The following PDE10A variants were observed in gnomAD, a reference collection of about 807,000 sequenced individuals.
The protein encoded by PDE10A is phosphodiesterase 10A.
A neutral mutation model predicts 97.7 loss-of-function variants in PDE10A; 39 were observed. That is an observed-to-expected ratio of 0.40 (90% CI 0.31 to 0.52). The LOEUF is 0.52. Ranked by LOEUF, PDE10A falls within the 20% of genes least tolerant of loss-of-function variation. PDE10A has a pLI of 0.56. For missense variants in PDE10A, 731 were observed against 1,047.8 expected, an observed-to-expected ratio of 0.70 and a Z score of 4.17; for synonymous variants, 371 against 376.8, an observed-to-expected ratio of 0.98 and a Z score of 0.18.
intron 1 of PDE10A, among the ~76,000 whole-genome samples, chr6:165,771,654 T>TAAAAAA (rs35902541): frequency 8.5e-5 from 9 of 106,312 alleles, no homozygotes; most frequent in Non-Finnish European, 1.4e-4. Flanking sequence ...TTTAACAAGA[T>TAAAAAA]AAAAAAAAAA....
At chr6:165,985,964 G>A (rs1204511860) in intron 1 of PDE10A, 1 of 152,576 alleles carries the variant, frequency 6.6e-6, no homozygotes, top group Non-Finnish European at 1.5e-5. Context: ...CCCATCTGTG[G>A]GGGAAAAGTC....
At chr6:165,895,660 A>C (rs1032432303) in intron 1 of PDE10A, among the ~76,000 whole-genome samples, 7 of 152,164 alleles carry the variant, frequency 4.6e-5, no homozygotes, top group Non-Finnish European at 1.0e-4. Context: ...CAGTCCTCTC[A>C]GACTTGCCAA....
rs57175607 is a variant in PDE10A at position 165,384,631 on chromosome 6, AGTGTGT to A, written c.2610+3661_2610+3666del. ...TAACGTGTGTGTGTATGTGTGAGTG[AGTGTGT>A]GTGTGTGTGTGTGTGTGTGTGTGTG... On this transcript the variant is annotated intron_variant, in intron 17 of 21. Transcript: ENST00000539869. Among the ~76,000 whole-genome samples the A allele has an allele frequency of 4.2e-3, 282 of 67,022 alleles. 4 individuals carry two copies. Among genetic ancestry groups the A allele is most frequent in the South Asian group, 0.028 (59 of 2,106 alleles). 44.0% of individuals were successfully genotyped at this position (67,022 alleles called of 152,430 possible). A position where few individuals can be genotyped will look rare whatever the true frequency, so the allele number is the denominator to read the frequency against.
rs115455899 is a variant in PDE10A at position 165,582,483 on chromosome 6, A to G, written c.866-38915T>C. ...TACAGTTGTTCACATCAAATGATCT[A>G]ATTGTCAAGTCTAAATAAAATAAAT... On this transcript the variant is annotated intron_variant, in intron 1 of 21. Transcript: ENST00000539869. Among the ~76,000 whole-genome samples, 1,456 of 152,284 alleles carry G rather than the reference A, an allele frequency of 9.6e-3. 26 individuals carry two copies. The highest frequency in any genetic ancestry group is 0.033 in the African/African-American group (1,389 of 41,554).
chr6:165,842,768 TG>T (rs938259882), intron 1 of PDE10A, among the ~76,000 whole-genome samples: 2 of 152,170 alleles, frequency 1.3e-5, no homozygotes, highest in African/African-American at 4.8e-5. Flanking sequence ...AGCAAGTTAG[TG>T]GTGGAAGAGG....
At chr6:165,537,771 C>T (rs1264745905) in intron 2 of PDE10A, among the ~76,000 whole-genome samples, 1 of 150,670 alleles carries the variant, frequency 6.6e-6, no homozygotes, top group Non-Finnish European at 1.5e-5. Flanking sequence ...GTTTCCATTA[C>T]CAAAAAATAT....
intron 1 of PDE10A, among the ~76,000 whole-genome samples, chr6:165,773,928 T>C (rs778581380): frequency 1.3e-4 from 20 of 152,028 alleles, no homozygotes; most frequent in Middle Eastern, 3.4e-3. Context: ...TTCAAACAAG[T>C]ATTTCAACTT....
chr6:165,561,449 G>T (rs1784519115), intron 1 of PDE10A, among the ~76,000 whole-genome samples: 1 of 152,084 alleles, frequency 6.6e-6, no homozygotes. Flanking sequence ...AACACAATAA[G>T]CCTACAGTTC....
rs1160671045 is a variant in PDE10A at position 165,923,245 on chromosome 6, A to G, written c.-615+64284T>C. ...AAGCAAAGGGCTTGCTTTTATCAAT[A>G]TAGTTACTGACCAATGTTAAGCATA... On this transcript the variant is annotated intron_variant, in intron 1 of 19. Transcript: ENST00000366882. Among the ~76,000 whole-genome samples, 3 of 152,364 alleles carry G rather than the reference A, an allele frequency of 2.0e-5. No homozygotes were observed. The East Asian group carries it at 5.8e-4, about 29-fold the overall frequency.
At chr6:165,592,501 G>A (rs960498915) in intron 1 of PDE10A, among the ~76,000 whole-genome samples, 26 of 152,012 alleles carry the variant, frequency 1.7e-4, no homozygotes, top group African/African-American at 9.7e-5. Flanking sequence ...AACTATCATC[G>A]GAGTTAAGAG....
intron 1 of PDE10A, among the ~76,000 whole-genome samples, chr6:165,882,201 G>T (rs1781500255): frequency 6.6e-6 from 1 of 152,178 alleles, no homozygotes; most frequent in Admixed American, 6.5e-5. Flanking sequence ...TGATTCTCAT[G>T]GTCGCATGAC....
chr6:165,554,443 C>A (rs2128332268), intron 1 of PDE10A, among the ~76,000 whole-genome samples: 1 of 152,152 alleles, frequency 6.6e-6, no homozygotes, highest in East Asian at 1.9e-4. Flanking sequence ...CAGAGAAATG[C>A]AAATCAAAGC....
chr6:165,389,371 G>T (rs1174539554), intron 16 of PDE10A, among the ~76,000 whole-genome samples: 1 of 152,186 alleles, frequency 6.6e-6, no homozygotes, highest in South Asian at 2.1e-4. Context: ...TTTAGACCAG[G>T]ATAATAACAG....
intron 1 of PDE10A, among the ~76,000 whole-genome samples, chr6:165,625,697 G>A (rs1436520586): frequency 6.6e-6 from 1 of 152,082 alleles, no homozygotes; most frequent in Admixed American, 6.5e-5. Context: ...ATAAGGGGAA[G>A]TTTCCCTGCA....
At chr6:165,693,113 A>G (rs1440204910) in intron 1 of PDE10A, among the ~76,000 whole-genome samples, 1 of 152,202 alleles carries the variant, frequency 6.6e-6, no homozygotes, top group Non-Finnish European at 1.5e-5. Context: ...GAATCTATGA[A>G]TCCATTTCCT....
chr6:165,552,464 T>A (rs914415248), intron 1 of PDE10A, among the ~76,000 whole-genome samples: 6 of 152,204 alleles, frequency 3.9e-5, no homozygotes, highest in Non-Finnish European at 8.8e-5. Context: ...GGGTTCATGC[T>A]GAACACCTGC....
chr6:165,678,693 C>T (rs2128438887), intron 1 of PDE10A, among the ~76,000 whole-genome samples: 1 of 152,326 alleles, frequency 6.6e-6, no homozygotes, highest in South Asian at 2.1e-4. Context: ...CAACCCGCTT[C>T]CGCCCACACT....
chr6:165,445,835 C>CT (rs1378397423), intron 5 of PDE10A, among the ~76,000 whole-genome samples: 1 of 151,570 alleles, frequency 6.6e-6, no homozygotes, highest in Non-Finnish European at 1.5e-5. Context: ...AAAGGCACTT[C>CT]TAACAAGCCT....
chr6:165,931,061 C>T (rs1177350307), intron 1 of PDE10A, among the ~76,000 whole-genome samples: 1 of 152,170 alleles, frequency 6.6e-6, no homozygotes, highest in Non-Finnish European at 1.5e-5. Context: ...GGGGACCTCG[C>T]GCATTTCAAA....
Sources: gnomAD v4.1 joint callset for allele counts (sites outside exome capture counted in the v4.1 genomes callset) on GRCh38, gnomAD v4.1.1 for gene constraint, MANE v1.5 for transcripts, NCBI Gene and HGNC (gene_info 2026-07-23, HGNC 2026-07-21) for gene names.